KCNIP1: variants seen among roughly 807,000 people sequenced by gnomAD.
The protein encoded by KCNIP1 is potassium voltage-gated channel interacting protein 1.
A neutral mutation model predicts 33.0 loss-of-function variants in KCNIP1; 18 were observed. That is an observed-to-expected ratio of 0.55 (90% confidence interval 0.38 to 0.81). The LOEUF is 0.81. KCNIP1 is among the 30% of genes least tolerant of loss of function. The pLI is 0.00. For missense variants in KCNIP1, 238 were observed against 271.6 expected (o/e 0.88, Z 0.87); for synonymous variants, 93 against 98.3 (o/e 0.95, Z 0.32).
intron 1 of KCNIP1, among the ~76,000 whole-genome samples, chr5:170,700,125 G>C (rs1025097266): frequency 6.6e-6 from 1 of 151,736 alleles, no homozygotes; most frequent in Non-Finnish European, 1.5e-5. Flanking sequence ...GTCATCTCTA[G>C]AGCAGGCTTA....
chr5:170,421,607 C>T (rs1194126722), intron 1 of KCNIP1, among the ~76,000 whole-genome samples: 1 of 152,144 alleles, frequency 6.6e-6, no homozygotes, highest in Non-Finnish European at 1.5e-5. Context: ...TCTCTGCAGC[C>T]TCTTTTCTAA....
In KCNIP1 at chr5:170,576,653, C is replaced by G. The variant is rs138345507; in HGVS notation, c.61+72020C>G. Among the ~76,000 whole-genome samples the G allele has an allele frequency of 3.3e-5, 5 of 152,302 alleles. No individual in the cohort carries two copies. The East Asian group carries it at 9.7e-4, about 29-fold the overall frequency. Reference sequence around the variant, plus strand: ...TCAACTCTCCAAGCCTCTGTCTCCTCCACTAAAGTGGGGACAAATGAGTAT... The same window carrying G: ...TCAACTCTCCAAGCCTCTGTCTCCTGCACTAAAGTGGGGACAAATGAGTAT... On this transcript the variant is annotated intron_variant, in intron 1 of 7. Coordinates refer to ENST00000328939, the MANE Select transcript of KCNIP1 (RefSeq NM_014592.4).
chr5:170,722,889 C>T (rs1581546331), intron 5 of KCNIP1, 69 bp downstream of exon 5: 3 of 963,628 alleles, frequency 3.1e-6, no homozygotes, highest in Admixed American at 1.8e-5. Context: ...GAAAACAGCC[C>T]CAGGCATGAG....
At chr5:170,458,421 G>T (rs1756436991) in intron 1 of KCNIP1, among the ~76,000 whole-genome samples, 1 of 152,174 alleles carries the variant, frequency 6.6e-6, no homozygotes. Flanking sequence ...TTAAGATGAA[G>T]GAAAGAATCT....
chr5:170,605,528 A>G (rs1175563342), intron 1 of KCNIP1, among the ~76,000 whole-genome samples: 1 of 152,230 alleles, frequency 6.6e-6, no homozygotes, highest in Non-Finnish European at 1.5e-5. Context: ...ATCTGGTTCC[A>G]GAACTTTCTC....
chr5:170,691,787 C>T (rs1762727809), intron 1 of KCNIP1, among the ~76,000 whole-genome samples: 1 of 152,102 alleles, frequency 6.6e-6, no homozygotes, highest in African/African-American at 2.4e-5. Context: ...GAGCGTTCCT[C>T]CTCAGCTCCC....
chr5:170,540,401 T>C lies in KCNIP1; in HGVS notation c.61+35768T>C, dbSNP rs192792090. Among the ~76,000 whole-genome samples the C allele has an allele frequency of 2.7e-3, 413 of 152,250 alleles. 3 individuals carry two copies. Among genetic ancestry groups the C allele is most frequent in the South Asian group, 1.7e-3 (8 of 4,810 alleles). ...GCCCAGCATACTTACAGCCCTGAGG[T>C]TGTCAGACAATGAGCCTCGTGATGA... On this transcript the variant is annotated intron_variant, in intron 1 of 7. Transcript: ENST00000328939.
intron 1 of KCNIP1, among the ~76,000 whole-genome samples, chr5:170,492,215 T>A (rs76240452): frequency 1.4e-4 from 22 of 152,198 alleles, no homozygotes; most frequent in Non-Finnish European, 2.5e-4. Context: ...TTCCTAAGAC[T>A]CCTTCCTCAG....
In KCNIP1 at chr5:170,542,643, C is replaced by T. The variant is rs571632463; in HGVS notation, c.61+38010C>T. The stretch of plus-strand genomic sequence containing the variant: ...CTGAAATCACAGATAGTGCCAAACC[C>T]TATATGTACTATGTTTTTCCTATAC... On this transcript the variant is annotated intron_variant, in intron 1 of 7. Transcript: ENST00000328939. Among the ~76,000 whole-genome samples the T allele has an allele frequency of 1.3e-5, 2 of 152,178 alleles. 1 individual carries two copies. Among genetic ancestry groups the T allele is most frequent in the South Asian group, 4.1e-4 (2 of 4,820 alleles).
At chr5:170,447,973 A>G (rs531002375) in intron 1 of KCNIP1, among the ~76,000 whole-genome samples, 2 of 151,870 alleles carry the variant, frequency 1.3e-5, no homozygotes, top group South Asian at 4.2e-4. Flanking sequence ...GTCAGGCTTG[A>G]AGACTCTTCC....
At chr5:170,709,708 A>G (rs1763379717) in intron 1 of KCNIP1, among the ~76,000 whole-genome samples, 1 of 151,890 alleles carries the variant, frequency 6.6e-6, no homozygotes, top group Non-Finnish European at 1.5e-5. Context: ...GACTTGATAT[A>G]TTTCACTCAT....
chr5:170,466,358 G>A (rs536071699), intron 1 of KCNIP1, among the ~76,000 whole-genome samples: 58 of 152,320 alleles, frequency 3.8e-4, no homozygotes, highest in Admixed American at 7.8e-4. Context: ...ATGTGGATAC[G>A]TAGGTTTGGG....
intron 1 of KCNIP1, among the ~76,000 whole-genome samples, chr5:170,540,390 C>T (rs1230365500): frequency 2.6e-5 from 4 of 152,238 alleles, no homozygotes; most frequent in African/African-American, 9.6e-5. Context: ...AGCATACTTA[C>T]AGCCCTGAGG....
At chr5:170,380,716 T>C (rs955716862) in intron 1 of KCNIP1, among the ~76,000 whole-genome samples, 1 of 152,074 alleles carries the variant, frequency 6.6e-6, no homozygotes, top group Non-Finnish European at 1.5e-5. Flanking sequence ...GAGCTGACGG[T>C]GAGGGGGCCT....
At chr5:170,402,174 AAAG>A (rs1754920907) in intron 1 of KCNIP1, among the ~76,000 whole-genome samples, 1 of 152,168 alleles carries the variant, frequency 6.6e-6, no homozygotes, top group Non-Finnish European at 1.5e-5. Flanking sequence ...CCAGGTAATC[AAAG>A]AAGAGCTCAA....
intron 1 of KCNIP1, among the ~76,000 whole-genome samples, chr5:170,393,806 T>A (rs1368794000): frequency 6.6e-6 from 1 of 152,202 alleles, no homozygotes; most frequent in Non-Finnish European, 1.5e-5. Flanking sequence ...TATTTTCCCT[T>A]GGCCTGATTT....
intron 1 of KCNIP1, among the ~76,000 whole-genome samples, chr5:170,593,036 A>C (rs1758318879): frequency 1.3e-5 from 2 of 151,528 alleles, no homozygotes; most frequent in Non-Finnish European, 2.9e-5. Context: ...TTATTTCCAG[A>C]CTCATTCGGA....
chr5:170,488,186 G>T (rs1757137130), intron 1 of KCNIP1, among the ~76,000 whole-genome samples: 2 of 152,176 alleles, frequency 1.3e-5, no homozygotes, highest in Admixed American at 6.5e-5. Flanking sequence ...TGATTTCAGG[G>T]CTTCTTGACA....
At chr5:170,567,953 G>A (rs1249934399) in intron 1 of KCNIP1, among the ~76,000 whole-genome samples, 1 of 152,196 alleles carries the variant, frequency 6.6e-6, no homozygotes, top group East Asian at 1.9e-4. Context: ...CCAAGGTCAG[G>A]ATGGCTCGGG....
Sources: allele counts gnomAD v4.1 joint callset (sites outside exome capture counted in the v4.1 genomes callset), GRCh38; gene constraint gnomAD v4.1.1; transcripts MANE v1.5; gene names NCBI Gene and HGNC (gene_info 2026-07-23, HGNC 2026-07-21).